The following DPP10 variants were observed in gnomAD, a reference collection of about 807,000 sequenced individuals.
DPP10 encodes dipeptidyl peptidase like 10, also known as inactive dipeptidyl peptidase 10.
Under a neutral mutation model 120.9 loss-of-function variants are expected in DPP10, and 33 were observed. That is an observed-to-expected ratio of 0.27 (90% confidence interval 0.21 to 0.37). The LOEUF (loss-of-function observed/expected upper bound fraction) is 0.37. Among genes scored for constraint, DPP10 ranks in the 10% least tolerant of loss-of-function variants. DPP10 has a pLI of 1.00. For synonymous variants in DPP10, 337 were observed against 326.1 expected (o/e 1.03, Z -0.36); for missense variants, 816 against 942.8 (o/e 0.87, Z 1.76).
chr2:115,332,125 AT>A (rs1213136705), intron 2 of DPP10, among the ~76,000 whole-genome samples: 1 of 152,102 alleles, frequency 6.6e-6, no homozygotes, highest in Non-Finnish European at 1.5e-5. Flanking sequence ...CTATTCAGAG[AT>A]TCAACTTCTT....
At chr2:115,194,510 T>C (rs1225334311) in intron 1 of DPP10, among the ~76,000 whole-genome samples, 1 of 152,178 alleles carries the variant, frequency 6.6e-6, no homozygotes, top group Non-Finnish European at 1.5e-5. Context: ...CGCACTTGTT[T>C]ACACTGACAA....
intron 1 of DPP10, among the ~76,000 whole-genome samples, chr2:114,908,133 C>T (rs528309740): frequency 6.6e-6 from 1 of 152,088 alleles, no homozygotes; most frequent in East Asian, 1.9e-4. Flanking sequence ...CTCTAGCTCT[C>T]TCAGGGTTGC....
intron 3 of DPP10, among the ~76,000 whole-genome samples, chr2:115,462,665 G>A (rs912048733): frequency 6.6e-6 from 1 of 152,076 alleles, no homozygotes; most frequent in Non-Finnish European, 1.5e-5. Flanking sequence ...GTATTATAAA[G>A]AATATTTGCT....
rs1021698492 is a variant in DPP10 at position 115,162,386 on chromosome 2, A to G, written c.61-146853A>G. ...GTTCCCCATTAACGCACGCTGAAGA[A>G]ATCTGCTGCGCTCCTGACGGCCGCT... is the stretch of plus-strand genomic sequence containing the variant. On this transcript the variant is annotated intron_variant, in intron 1 of 25. Transcript: ENST00000410059. 7.6e-6 allele frequency: 10 copies of G among 1,317,472 alleles called. No individual in the cohort carries two copies. The East Asian group carries it at 9.1e-5, about 12-fold the overall frequency. 81.6% of individuals were successfully genotyped at this position (1,317,472 alleles called of 1,614,324 possible).
At chr2:114,842,911 G>A (rs748861584) in intron 1 of DPP10, among the ~76,000 whole-genome samples, 1 of 152,040 alleles carries the variant, frequency 6.6e-6, no homozygotes, top group Non-Finnish European at 1.5e-5. Context: ...CATCAGACTA[G>A]GCTTTGAGCA....
intron 1 of DPP10, among the ~76,000 whole-genome samples, chr2:114,889,380 T>G (rs992216316): frequency 2.0e-5 from 3 of 152,078 alleles, no homozygotes; most frequent in Non-Finnish European, 4.4e-5. Context: ...CTAAACAAAT[T>G]TTGAAATTTT....
intron 24 of DPP10, among the ~76,000 whole-genome samples, chr2:115,839,940 A>G (rs1049034327): frequency 2.6e-5 from 4 of 152,048 alleles, no homozygotes; most frequent in Admixed American, 2.0e-4. Flanking sequence ...GTATAATGAG[A>G]TGTGTATTCT....
At position 114,819,787 on chromosome 2, in the gene DPP10, G is replaced by A. The variant is rs554795340; in HGVS notation, c.60+376949G>A. Among the ~76,000 whole-genome samples, 5 of 152,202 alleles carry A rather than the reference G, an allele frequency of 3.3e-5. No homozygotes were observed. The South Asian group carries it at 1.0e-3, about 32-fold the overall frequency. On this transcript the variant is annotated intron_variant, in intron 1 of 25. Coordinates refer to ENST00000410059, the MANE Select transcript of DPP10 (RefSeq NM_020868.6). The stretch of plus-strand genomic sequence containing the variant: ...TTGCTCTCCTCCTGGGTATCTATTC[G>A]TTATCAAAACCGGAAGCACAGTGTG...
intron 1 of DPP10, among the ~76,000 whole-genome samples, chr2:114,567,843 C>G (rs1405420723): frequency 6.6e-6 from 1 of 152,026 alleles, no homozygotes; most frequent in Non-Finnish European, 1.5e-5. Context: ...GGGAACAACA[C>G]ACACTGGGGC....
At chr2:115,092,514 A>G (rs930382379) in intron 1 of DPP10, among the ~76,000 whole-genome samples, 1 of 152,120 alleles carries the variant, frequency 6.6e-6, no homozygotes, top group East Asian at 1.9e-4. Context: ...TCAGAGTTGT[A>G]CCAGTTCCCA....
At chr2:114,749,392 G>C (rs1678965122) in intron 1 of DPP10, among the ~76,000 whole-genome samples, 2 of 152,138 alleles carry the variant, frequency 1.3e-5, no homozygotes, top group South Asian at 2.1e-4. Context: ...TTCCAGAACA[G>C]AATGGGTTGC....
intron 1 of DPP10, among the ~76,000 whole-genome samples, chr2:114,694,998 G>A (rs1699984871): frequency 6.6e-6 from 1 of 151,898 alleles, no homozygotes; most frequent in African/African-American, 2.4e-5. Context: ...AGTTAAGAAG[G>A]GTCAGCTCAC....
At chr2:114,565,449 A>T (rs1689124176) in intron 1 of DPP10, among the ~76,000 whole-genome samples, 1 of 152,192 alleles carries the variant, frequency 6.6e-6, no homozygotes, top group Non-Finnish European at 1.5e-5. Context: ...CATGGTGACA[A>T]GCTACTCTCT....
At chr2:115,077,623 T>C (rs1003293778) in intron 1 of DPP10, among the ~76,000 whole-genome samples, 2 of 152,214 alleles carry the variant, frequency 1.3e-5, no homozygotes, top group African/African-American at 4.8e-5. Flanking sequence ...TGAAATGCCT[T>C]GATAAAGTCA....
At chr2:114,684,992 C>T (rs1049771908) in intron 1 of DPP10, among the ~76,000 whole-genome samples, 1 of 151,940 alleles carries the variant, frequency 6.6e-6, no homozygotes, top group Admixed American at 6.6e-5. Flanking sequence ...TGGAGGTTAA[C>T]AACAATTTCC....
At chr2:115,718,975 CTGTT>C (rs1008808603) in intron 7 of DPP10, among the ~76,000 whole-genome samples, 2 of 152,008 alleles carry the variant, frequency 1.3e-5, no homozygotes, top group East Asian at 1.9e-4. Context: ...ATATTGATAA[CTGTT>C]TGTCTCCTGT....
At chr2:115,112,629 A>G (rs181854266) in intron 1 of DPP10, among the ~76,000 whole-genome samples, 54 of 152,342 alleles carry the variant, frequency 3.5e-4, no homozygotes, top group Non-Finnish European at 5.9e-5. Context: ...TACATACTGC[A>G]TGATCTCACT....
intron 5 of DPP10, among the ~76,000 whole-genome samples, chr2:115,575,077 A>G (rs17044733): frequency 0.081 from 12,269 of 152,212 alleles, 521 homozygotes; most frequent in South Asian, 0.12. Context: ...GTGATTGACC[A>G]TACATTTAGA....
chr2:115,012,316 C>A (rs574972031), intron 1 of DPP10, among the ~76,000 whole-genome samples: 42 of 152,146 alleles, frequency 2.8e-4, no homozygotes, highest in Non-Finnish European at 5.6e-4. Context: ...TTGCATCCTG[C>A]GCACAGGACC....
Sources: allele counts gnomAD v4.1 joint callset (sites outside exome capture counted in the v4.1 genomes callset), GRCh38; gene constraint gnomAD v4.1.1; transcripts MANE v1.5; gene names NCBI Gene and HGNC (gene_info 2026-07-23, HGNC 2026-07-21).